Variants in IVD observed in about 807,000 individuals in gnomAD.
The protein encoded by IVD is isovaleryl-CoA dehydrogenase, also known as isovaleryl-CoA dehydrogenase, mitochondrial.
A neutral mutation model predicts 51.3 loss-of-function variants in IVD; 31 were observed. The ratio of observed to expected loss-of-function variants is 0.60; its 90% CI spans 0.45 to 0.81. IVD has a LOEUF of 0.81. Among genes scored for constraint, IVD ranks in the 40% least tolerant of loss-of-function variants. The pLI is 0.00. For missense variants in IVD, 475 were observed against 552.0 expected (o/e 0.86, Z 1.40); for synonymous variants, 205 against 219.4 (o/e 0.93, Z 0.58).
downstream of IVD, chr15:40,424,068 C>G (rs1892525568): frequency 9.6e-7 from 1 of 1,038,170 alleles, no homozygotes; most frequent in Non-Finnish European, 1.3e-6. Context: ...CTCTCAGAGG[C>G]TAGCCTGGTA....
downstream of IVD, among the ~76,000 whole-genome samples, chr15:40,423,859 G>C (rs1180533346): frequency 6.6e-6 from 1 of 152,168 alleles, no homozygotes; most frequent in Non-Finnish European, 1.5e-5. Context: ...GCCAGTGTTT[G>C]GGAGCCCTGA....
chr15:40,423,582 C>T (rs1001667826), downstream of IVD, among the ~76,000 whole-genome samples: 4 of 152,188 alleles, frequency 2.6e-5, no homozygotes, highest in African/African-American at 9.7e-5. Flanking sequence ...CTGCCTCAGC[C>T]TCCCGAGTAG....
intron 3 of IVD, 59 bp from the exon 4 acceptor site, chr15:40,410,569 G>A: frequency 1.3e-6 from 2 of 1,589,014 alleles, no homozygotes; most frequent in Non-Finnish European, 1.7e-6. Flanking sequence ...GATTCTTAAT[G>A]AATGTCCCGA....
At chr15:40,418,025 A>G in intron 11 of IVD, 105 bp from the exon 12 acceptor site, 3 of 1,451,926 alleles carry the variant, frequency 2.1e-6, no homozygotes, top group Non-Finnish European at 1.9e-6. Flanking sequence ...CTTTTCTTTA[A>G]TCACCCTCTC....
At position 40,411,616 on chromosome 15, in the gene IVD, C is replaced by T. The variant is rs951022339; in HGVS notation, c.612C>T (p.Val204=). The change falls in exon 6 of 12, where the codon GTC becomes GTT. Residue 204 remains valine (V), a synonymous_variant. Coordinates refer to ENST00000487418, the MANE Select transcript of IVD (RefSeq NM_002225.5). ...FWITNGPDAD[V]LIVYAKTDLA... The stretch of plus-strand genomic sequence containing the variant: ...TCACTAATGGCCCTGATGCTGACGT[C>T]CTGATTGTCTATGCCAAGACAGATC... 5.0e-6 allele frequency: 8 copies of T among 1,614,082 alleles called. No homozygotes were observed. In the African/African-American group the frequency reaches 8.0e-5, roughly 16 times the overall value.
intron 3 of IVD, among the ~76,000 whole-genome samples, chr15:40,408,805 C>T (rs921044940): frequency 6.6e-6 from 1 of 152,142 alleles, no homozygotes; most frequent in African/African-American, 2.4e-5. Flanking sequence ...ACAAAATTAG[C>T]TGGTCATGGT....
At chr15:40,432,780 C>T (rs1315460381) in intron 7 of IVD, among the ~76,000 whole-genome samples, 1 of 152,208 alleles carries the variant, frequency 6.6e-6, no homozygotes, top group Non-Finnish European at 1.5e-5. Context: ...GGGCTGGCCT[C>T]TCCTCCAAAC....
At chr15:40,414,694 G>A in intron 7 of IVD, 195 bp from the exon 8 acceptor site, 1 of 864,094 alleles carries the variant, frequency 1.2e-6, no homozygotes, top group Non-Finnish European at 1.8e-6. Flanking sequence ...TGGGGTGGGA[G>A]TCCTGGCAGC....
downstream of IVD, chr15:40,424,282 T>G: frequency 1.2e-6 from 1 of 833,712 alleles, no homozygotes; most frequent in Non-Finnish European, 1.7e-6. Context: ...CTTCTGCTGC[T>G]TCCCTCCTTC....
intron 11 of IVD, among the ~76,000 whole-genome samples, chr15:40,416,787 C>T (rs558215224): frequency 6.6e-6 from 1 of 152,180 alleles, no homozygotes; most frequent in African/African-American, 2.4e-5. Flanking sequence ...CTCTTTCTGT[C>T]CCAGTTACAA....
At chr15:40,422,772 G>GTTTTTTTTTTTTTTTTT (rs1489783109), downstream of IVD, among the ~76,000 whole-genome samples, 3 of 141,166 alleles carry the variant, frequency 2.1e-5, no homozygotes, top group East Asian at 2.2e-4. Flanking sequence ...GCTAATTTTT[G>GTTTTTTTTTTTTTTTTT]TATTTTTAGT....
intron 1 of IVD, among the ~76,000 whole-genome samples, chr15:40,406,662 A>G (rs1355553959): frequency 6.6e-6 from 1 of 152,196 alleles, no homozygotes; most frequent in African/African-American, 2.4e-5. Context: ...AGTAGTATTT[A>G]CAAATGGAGC....
chr15:40,406,477 A>G (rs1377948513), intron 1 of IVD: 1 of 574,726 alleles, frequency 1.7e-6, no homozygotes, highest in Non-Finnish European at 2.8e-6. Flanking sequence ...GTCAAAACAC[A>G]AAAGTTGAAC....
At chr15:40,435,557 C>T, downstream of IVD, 21 of 1,161,754 alleles carry the variant, frequency 1.8e-5, no homozygotes, top group Non-Finnish European at 2.3e-5. Context: ...GCTGCTCCCC[C>T]AACTCGCCTC....
intron 7 of IVD, among the ~76,000 whole-genome samples, chr15:40,432,708 G>A (rs565148229): frequency 1.3e-3 from 194 of 152,364 alleles, no homozygotes; most frequent in African/African-American, 4.4e-3. Flanking sequence ...AATCTTTCCC[G>A]AAGAGGGAAA....
At chr15:40,413,110 G>T in intron 7 of IVD, 23 bp downstream of exon 7, 2 of 1,584,930 alleles carry the variant, frequency 1.3e-6, no homozygotes, top group Non-Finnish European at 1.7e-6. Context: ...GGGAATCGGG[G>T]AGCCCCTCTC....
chr15:40,424,286 C>A, downstream of IVD: 1 of 847,736 alleles, frequency 1.2e-6, no homozygotes. Context: ...TGCTGCTTCC[C>A]TCCTTCCCTG....
In IVD at chr15:40,421,099, C is replaced by T; in HGVS notation, c.*2836C>T. The T allele has an allele frequency of 1.0e-6, 1 of 985,412 alleles. No homozygotes were observed. The highest frequency in any genetic ancestry group is 4.7e-5 in the South Asian group (1 of 21,282). 61.0% of individuals were successfully genotyped at this position (985,412 alleles called of 1,614,324 possible). A position where few individuals can be genotyped will look rare whatever the true frequency, so the allele number is the denominator to read the frequency against. ...CCCTTTCACTTCCTTGTCTTGCTCC[C>T]TGCTATGTTGGAGATGAATGTGACT... On this transcript the variant is annotated 3_prime_UTR_variant, in exon 12 of 12. Transcript: ENST00000487418.
chr15:40,426,080 C>T (rs1402889503), downstream of IVD, among the ~76,000 whole-genome samples: 3 of 151,772 alleles, frequency 2.0e-5, no homozygotes, highest in African/African-American at 7.3e-5. Context: ...GCTGGGATTA[C>T]AAGTGTGAGC....
Sources: allele counts gnomAD v4.1 joint callset (sites outside exome capture counted in the v4.1 genomes callset), GRCh38; gene constraint gnomAD v4.1.1; transcripts MANE v1.5; gene names NCBI Gene and HGNC (gene_info 2026-07-23, HGNC 2026-07-21).